Variants in UGT1A3 observed in about 807,000 individuals in gnomAD.
UGT1A3 encodes UDP glucuronosyltransferase family 1 member A3.
In UGT1A3, 31 loss-of-function variants were observed where a neutral mutation model predicts 41.0. That is an observed-to-expected ratio of 0.76 (90% CI 0.57 to 1.02). UGT1A3 has a LOEUF of 1.02. UGT1A3 is among the 50% of genes least tolerant of loss of function. UGT1A3 has a pLI of 0.00. For synonymous variants in UGT1A3, 262 were observed against 257.6 expected (o/e 1.02, Z -0.17); for missense variants, 737 against 671.0 (o/e 1.10, Z -1.09).
At chr2:233,763,485 C>G (rs763947440) in intron 1 of UGT1A3, among the ~76,000 whole-genome samples, 4 of 152,140 alleles carry the variant, frequency 2.6e-5, no homozygotes, top group Non-Finnish European at 4.4e-5. Context: ...TTGATTGTAA[C>G]TCTCTCAGTT....
chr2:233,753,934 C>A (rs115652249), intron 1 of UGT1A3, among the ~76,000 whole-genome samples: 1,716 of 152,270 alleles, frequency 0.011, 38 homozygotes, highest in African/African-American at 0.04. Context: ...ATATGGGATT[C>A]AAATGTATGA....
intron 1 of UGT1A3, 122 bp downstream of exon 1, chr2:233,730,115 T>C (rs2077988108): frequency 6.4e-7 from 1 of 1,560,670 alleles, no homozygotes; most frequent in Non-Finnish European, 8.7e-7. Flanking sequence ...CTGCTTCTCC[T>C]TGTCATAATA....
At chr2:233,754,817 C>A in intron 1 of UGT1A3, 1 of 1,330,844 alleles carries the variant, frequency 7.5e-7, no homozygotes, top group East Asian at 4.7e-5. Flanking sequence ...AAAAACCACC[C>A]TCAAAAGCTG....
At position 233,769,509 on chromosome 2, in the gene UGT1A3, C is replaced by T; in HGVS notation, c.1307+1070C>T. 2 of 1,612,822 alleles carry T rather than the reference C, an allele frequency of 1.2e-6. No homozygotes were observed. Among genetic ancestry groups the T allele is most frequent in the Non-Finnish European group, 1.7e-6 (2 of 1,179,850 alleles). On this transcript the variant is annotated intron_variant, in intron 4 of 4. Coordinates refer to ENST00000482026, the MANE Select transcript of UGT1A3 (RefSeq NM_019093.4). This position sits in a 1 kb window ranked among gnomAD's most constrained non-coding sequence, Gnocchi z 4.4. Reference sequence around the variant, plus strand: ...TGTTTATGAGAGTGTCCATTGCTTTCTCCCATGGTTACCTCCTTTAGAAAG... The same window carrying T: ...TGTTTATGAGAGTGTCCATTGCTTTTTCCCATGGTTACCTCCTTTAGAAAG...
intron 1 of UGT1A3, chr2:233,761,011 GTGA>G (rs759864220): frequency 6.2e-7 from 1 of 1,614,156 alleles, no homozygotes; most frequent in Non-Finnish European, 8.5e-7. Context: ...TCAGAGAGAG[GTGA>G]CTGTCCAGGA....
At chr2:233,731,444 C>T (rs1406518964) in intron 1 of UGT1A3, among the ~76,000 whole-genome samples, 1 of 152,126 alleles carries the variant, frequency 6.6e-6, no homozygotes, top group Non-Finnish European at 1.5e-5. Flanking sequence ...CAGTCCCCCA[C>T]CCCACAACAG....
rs958350621 is a variant in UGT1A3 at position 233,758,917 on chromosome 2, C to G, written c.868-8117C>G. ...ACAAATTTGAGTTGTTTTTGCTCAT[C>G]TTTCCCTTTTGACTTCAAATCAGTC... On this transcript the variant is annotated intron_variant, in intron 1 of 4. Coordinates refer to ENST00000482026, the MANE Select transcript of UGT1A3 (RefSeq NM_019093.4). Among the ~76,000 whole-genome samples the G allele has an allele frequency of 5.9e-5, 9 of 152,224 alleles. 1 individual carries two copies. Among genetic ancestry groups the G allele is most frequent in the Admixed American group, 3.3e-4 (5 of 15,286 alleles).
rs138626513 is a variant in UGT1A3 at position 233,772,998 on chromosome 2, C to T, written c.*439C>T. 4.0e-5 allele frequency: 10 copies of T among 249,518 alleles called. No individual in the cohort carries two copies. The East Asian group carries it at 6.9e-4, about 17-fold the overall frequency. 15.5% of individuals were successfully genotyped at this position (249,518 alleles called of 1,614,324 possible). On this transcript the variant is annotated 3_prime_UTR_variant, in exon 5 of 5. Coordinates refer to ENST00000482026, the MANE Select transcript of UGT1A3 (RefSeq NM_019093.4). ...AATAATGGTCAGTCCTCATCTCTGT[C>T]GTGCTTCATAGGTGCCACCTTGTGT...
At position 233,760,976 on chromosome 2, in the gene UGT1A3, A is replaced by G. The variant is rs754922685; in HGVS notation, c.868-6058A>G. 3 of 1,614,218 alleles carry G rather than the reference A, an allele frequency of 1.9e-6. No individual in the cohort carries two copies. The South Asian group carries it at 3.3e-5, about 18-fold the overall frequency. On this transcript the variant is annotated intron_variant, in intron 1 of 4. Transcript: ENST00000482026. The stretch of plus-strand genomic sequence containing the variant: ...CTGTGCGACGTGGTTTATTCCCCGT[A>G]TGCAACCCTTGCCTCAGAATTCCTT...
intron 1 of UGT1A3, among the ~76,000 whole-genome samples, chr2:233,757,539 T>TATATAC (rs762018928): frequency 5.2e-5 from 6 of 115,748 alleles, no homozygotes; most frequent in African/African-American, 1.5e-4. Flanking sequence ...GTAAGGAATA[T>TATATAC]ATATATATAT....
In UGT1A3 at chr2:233,729,501, T is replaced by C. The variant is rs142329877; in HGVS notation, c.375T>C (p.His125=). The C allele has an allele frequency of 1.3e-5, 21 of 1,614,102 alleles. No homozygotes were observed. Among genetic ancestry groups the C allele is most frequent in the Non-Finnish European group, 1.7e-5 (20 of 1,180,042 alleles). Residue 125 remains histidine, a synonymous_variant, in exon 1 of 5, where the codon CAT becomes CAC. Coordinates refer to ENST00000482026, the MANE Select transcript of UGT1A3 (RefSeq NM_019093.4). ...AMLNNMSLVY[H]RSCVELLHNE... ...TGAACAATATGTCTTTGGTCTATCA[T>C]AGGTCTTGTGTGGAGCTACTACATA...
chr2:233,751,777 A>C (rs1694808291), intron 1 of UGT1A3, among the ~76,000 whole-genome samples: 1 of 152,126 alleles, frequency 6.6e-6, no homozygotes, highest in South Asian at 2.1e-4. Flanking sequence ...GACTTTGCTT[A>C]TCTCTCACCT....
intron 1 of UGT1A3, among the ~76,000 whole-genome samples, chr2:233,742,284 C>A (rs1006206335): frequency 1.3e-5 from 2 of 151,974 alleles, no homozygotes; most frequent in Non-Finnish European, 2.9e-5. Context: ...AGCATCATTT[C>A]TATAGATTAT....
intron 1 of UGT1A3, chr2:233,747,281 A>C: frequency 6.3e-7 from 1 of 1,599,850 alleles, no homozygotes; most frequent in Non-Finnish European, 8.5e-7. Context: ...CTCAGTGCCC[A>C]GCCCTGGGCT....
intron 1 of UGT1A3, among the ~76,000 whole-genome samples, chr2:233,756,565 C>T (rs1696262040): frequency 6.6e-6 from 1 of 152,126 alleles, no homozygotes; most frequent in East Asian, 1.9e-4. Context: ...GAGATCCTCT[C>T]AGACAAAAGG....
At chr2:233,770,500 A>AT (rs1700093584) in intron 4 of UGT1A3, 1 of 152,124 alleles carries the variant, frequency 6.6e-6, no homozygotes, top group Admixed American at 6.5e-5. Flanking sequence ...CCAAAAAAAT[A>AT]TAAAAAAATT....
intron 1 of UGT1A3, chr2:233,754,648 T>C (rs1008814109): frequency 4.4e-6 from 2 of 451,966 alleles, no homozygotes; most frequent in African/African-American, 2.0e-5. Context: ...CCATTCTCAA[T>C]GATTCTCTTG....
intron 1 of UGT1A3, among the ~76,000 whole-genome samples, chr2:233,761,639 G>A (rs1340532947): frequency 3.9e-5 from 6 of 152,230 alleles, no homozygotes; most frequent in Non-Finnish European, 5.9e-5. Context: ...CCTGCAGTCC[G>A]TTCTCTTCTA....
chr2:233,763,406 T>A (rs1698303480), intron 1 of UGT1A3, among the ~76,000 whole-genome samples: 1 of 152,236 alleles, frequency 6.6e-6, no homozygotes, highest in African/African-American at 2.4e-5. Context: ...GGCACTGGTA[T>A]TTTTAATCCA....
Sources: allele counts gnomAD v4.1 joint callset (sites outside exome capture counted in the v4.1 genomes callset), GRCh38; gene constraint gnomAD v4.1.1; non-coding constraint Gnocchi (gnomAD v3.1); transcripts MANE v1.5; gene names NCBI Gene and HGNC (gene_info 2026-07-23, HGNC 2026-07-21).